ZDHHC17: variants seen among roughly 807,000 people sequenced by gnomAD.
The protein encoded by ZDHHC17 is palmitoyltransferase ZDHHC17.
ZDHHC17 carries 40 observed loss-of-function variants against 90.3 expected under a neutral mutation model. That is an observed-to-expected ratio of 0.44 (90% CI 0.34 to 0.58). The LOEUF (loss-of-function observed/expected upper bound fraction) is 0.58. ZDHHC17 is among the 20% of genes least tolerant of loss of function. ZDHHC17 has a pLI of 0.01. For synonymous variants in ZDHHC17, 235 were observed against 252.4 expected, an observed-to-expected ratio of 0.93 and a Z score of 0.65; for missense variants, 614 against 780.8, an observed-to-expected ratio of 0.79 and a Z score of 2.55.
intron 6 of ZDHHC17, 23 bp from the exon 7 acceptor site, chr12:76,815,834 T>C: frequency 2.5e-6 from 1 of 400,468 alleles, no homozygotes; most frequent in Admixed American, 5.9e-5. Flanking sequence ...TTGTTGTTTG[T>C]TTTTTTTTTT....
At chr12:76,790,140 T>TA (rs199784205) in intron 1 of ZDHHC17, among the ~76,000 whole-genome samples, 2 of 152,232 alleles carry the variant, frequency 1.3e-5, no homozygotes, top group Admixed American at 6.5e-5. Flanking sequence ...AGACCTCTTA[T>TA]AAAAAATGAA....
chr12:76,772,135 G>A (rs1183303059), intron 1 of ZDHHC17, among the ~76,000 whole-genome samples: 1 of 152,188 alleles, frequency 6.6e-6, no homozygotes, highest in African/African-American at 2.4e-5. Flanking sequence ...TTTTACAAAT[G>A]AGGAAACAGA....
chr12:76,815,717 T>C (rs1565788460), intron 6 of ZDHHC17, 140 bp from the exon 7 acceptor site: 1 of 738,216 alleles, frequency 1.4e-6, no homozygotes, highest in Non-Finnish European at 2.0e-6. Flanking sequence ...TCATTATTGA[T>C]TTTAAAGTTG....
chr12:76,829,555 C>G (rs1953274641), intron 10 of ZDHHC17, among the ~76,000 whole-genome samples: 1 of 148,938 alleles, frequency 6.7e-6, no homozygotes. Context: ...GTCTTAGTCT[C>G]TAATCAAGTT....
chr12:76,820,171 A>G (rs1223268459), intron 7 of ZDHHC17, among the ~76,000 whole-genome samples: 2 of 152,070 alleles, frequency 1.3e-5, no homozygotes, highest in Non-Finnish European at 2.9e-5. Flanking sequence ...AATTGTTGAA[A>G]AAAAGTTACT....
chr12:76,797,036 G>T (rs904398702), intron 1 of ZDHHC17, among the ~76,000 whole-genome samples: 7 of 152,048 alleles, frequency 4.6e-5, no homozygotes, highest in Non-Finnish European at 1.0e-4. Flanking sequence ...AGGCCAAGGC[G>T]GGCGGATCAC....
intron 1 of ZDHHC17, among the ~76,000 whole-genome samples, chr12:76,780,891 G>T (rs974698733): frequency 6.6e-6 from 1 of 152,064 alleles, no homozygotes; most frequent in Non-Finnish European, 1.5e-5. Context: ...GGAGGCCGAG[G>T]TGGGTGGATC....
At chr12:76,842,342 A>G (rs779537412) in intron 11 of ZDHHC17, among the ~76,000 whole-genome samples, 1 of 152,118 alleles carries the variant, frequency 6.6e-6, no homozygotes, top group Non-Finnish European at 1.5e-5. Flanking sequence ...GACTGCTGTG[A>G]TTGCTTTGAG....
intron 2 of ZDHHC17, among the ~76,000 whole-genome samples, chr12:76,800,831 A>G (rs1952877732): frequency 6.9e-6 from 1 of 144,986 alleles, no homozygotes; most frequent in African/African-American, 2.6e-5. Context: ...AGTTTAATCC[A>G]TTTACATTTA....
At chr12:76,827,554 CTTCTTA>C (rs1953244500) in intron 9 of ZDHHC17, among the ~76,000 whole-genome samples, 1 of 152,064 alleles carries the variant, frequency 6.6e-6, no homozygotes, top group African/African-American at 2.4e-5. Context: ...ATTCCGTTTT[CTTCTTA>C]TTCTTAAGTC....
chr12:76,841,695 T>TTTAA (rs982338097), intron 10 of ZDHHC17, among the ~76,000 whole-genome samples: 3 of 152,152 alleles, frequency 2.0e-5, no homozygotes, highest in African/African-American at 7.2e-5. Context: ...TATATGTTAA[T>TTTAA]AACTTTGAAC....
At chr12:76,833,097 C>A (rs1953324335) in intron 10 of ZDHHC17, among the ~76,000 whole-genome samples, 1 of 152,098 alleles carries the variant, frequency 6.6e-6, no homozygotes, top group Non-Finnish European at 1.5e-5. Flanking sequence ...ATGAATTTTA[C>A]ATTGATGTAA....
intron 1 of ZDHHC17, among the ~76,000 whole-genome samples, chr12:76,778,556 T>G (rs1192809246): frequency 1.3e-5 from 2 of 152,204 alleles, no homozygotes; most frequent in Non-Finnish European, 2.9e-5. Flanking sequence ...TGGAGGGCTA[T>G]AGCTGGGTTT....
At chr12:76,780,527 T>C (rs996517096) in intron 1 of ZDHHC17, among the ~76,000 whole-genome samples, 3 of 152,218 alleles carry the variant, frequency 2.0e-5, no homozygotes, top group Non-Finnish European at 4.4e-5. Flanking sequence ...TCCATGTCAC[T>C]TCTGGCTACC....
intron 5 of ZDHHC17, among the ~76,000 whole-genome samples, 192 bp from the exon 6 acceptor site, chr12:76,814,954 A>T (rs1953066158): frequency 6.6e-6 from 1 of 151,994 alleles, no homozygotes; most frequent in African/African-American, 2.4e-5. Context: ...TAAAAGCATG[A>T]TATATGTTCA....
chr12:76,812,374 TTGCTGTTTCTTC>T (rs1953034959), intron 5 of ZDHHC17, among the ~76,000 whole-genome samples: 1 of 152,140 alleles, frequency 6.6e-6, no homozygotes, highest in South Asian at 2.1e-4. Flanking sequence ...GGCCTTTTGG[TTGCTGTTTCTTC>T]TGCTGGTATA....
intron 1 of ZDHHC17, among the ~76,000 whole-genome samples, chr12:76,778,356 A>G (rs747203047): frequency 3.3e-5 from 5 of 152,178 alleles, no homozygotes; most frequent in Non-Finnish European, 5.9e-5. Context: ...AGTAGCTGGG[A>G]CTACAGGCAT....
intron 1 of ZDHHC17, among the ~76,000 whole-genome samples, chr12:76,782,486 T>C (rs570024915): frequency 7.9e-5 from 12 of 152,292 alleles, no homozygotes; most frequent in Non-Finnish European, 1.6e-4. Flanking sequence ...TCCAGTGATA[T>C]TGAGTCAAGA....
chr12:76,830,461 T>A (rs1415271345), intron 10 of ZDHHC17, among the ~76,000 whole-genome samples: 1 of 127,184 alleles, frequency 7.9e-6, no homozygotes, highest in Non-Finnish European at 1.7e-5. Context: ...AGTTTAAGTA[T>A]CTATTGAAAT....
Sources: allele counts gnomAD v4.1 joint callset (sites outside exome capture counted in the v4.1 genomes callset), GRCh38; gene constraint gnomAD v4.1.1; transcripts MANE v1.5; gene names NCBI Gene and HGNC (gene_info 2026-07-23, HGNC 2026-07-21).